SNX29: variants seen among roughly 807,000 people sequenced by gnomAD.
SNX29 encodes sorting nexin 29.
Under a neutral mutation model 102.1 loss-of-function variants are expected in SNX29, and 78 were observed. The ratio of observed to expected loss-of-function variants is 0.76; its 90% CI spans 0.64 to 0.92. SNX29 has a LOEUF of 0.92. Among genes scored for constraint, SNX29 ranks in the 40% least tolerant of loss-of-function variants. The pLI is 0.00. For synonymous variants in SNX29, 580 were observed against 414.5 expected (o/e 1.40, Z -4.85); for missense variants, 1,280 against 1,061.7 (o/e 1.21, Z -2.86).
At position 12,270,300 on chromosome 16, in the gene SNX29, C is replaced by T. The variant is rs111390013; in HGVS notation, c.1679-7633C>T. ...GAATTCAGTCACAATTGATTCTTTA[C>T]GAATTGATTGGTTTATTGGGGGGAT... is the stretch of plus-strand genomic sequence containing the variant. On this transcript the variant is annotated intron_variant, in intron 14 of 20. Coordinates refer to ENST00000566228, the MANE Select transcript of SNX29 (RefSeq NM_032167.5). 2.2e-3 allele frequency among the ~76,000 whole-genome samples: 328 copies of T among 152,254 alleles called. 2 individuals carry two copies. The highest frequency in any genetic ancestry group is 7.3e-3 in the African/African-American group (305 of 41,540).
chr16:12,118,313 C>CTTTCTTTTTTTTTTT lies in SNX29; in HGVS notation c.1403-8317_1403-8316insCTTTTTTTTTTTTTT, dbSNP rs1286174976. ...TGTAGATAGTAGATATACAGACCAC[C>CTTTCTTTTTTTTTTT]TTTTTTTTTTTTTTTTTTTTTTTAT... On this transcript the variant is annotated intron_variant, in intron 11 of 20. Coordinates refer to ENST00000566228, the MANE Select transcript of SNX29 (RefSeq NM_032167.5). Among the ~76,000 whole-genome samples, 74 of 86,120 alleles carry CTTTCTTTTTTTTTTT rather than the reference C, an allele frequency of 8.6e-4. 4 individuals are homozygous for CTTTCTTTTTTTTTTT. In the East Asian group the frequency reaches 0.014, roughly 17 times the overall value. 56.5% of individuals were successfully genotyped at this position (86,120 alleles called of 152,430 possible).
At chr16:12,316,766 C>T (rs1352722066) in intron 15 of SNX29, among the ~76,000 whole-genome samples, 1 of 152,104 alleles carries the variant, frequency 6.6e-6, no homozygotes, top group Non-Finnish European at 1.5e-5. Flanking sequence ...CATCCTCTTC[C>T]CTCCTGGCTC....
intron 13 of SNX29, among the ~76,000 whole-genome samples, chr16:12,177,173 C>G (rs2076279241): frequency 6.6e-6 from 1 of 152,074 alleles, no homozygotes; most frequent in Admixed American, 6.6e-5. Flanking sequence ...GTCTTGAACT[C>G]CAAGAGATCC....
chr16:12,524,773 C>G lies in SNX29; in HGVS notation c.2250C>G (p.Ile750Met). 2 of 1,613,798 alleles carry G rather than the reference C, an allele frequency of 1.2e-6. 1 individual carries two copies. Among genetic ancestry groups the G allele is most frequent in the South Asian group, 2.2e-5 (2 of 91,064 alleles). Residue 750 changes from isoleucine (I) to methionine (M), a missense_variant, in exon 20 of 21, where the codon ATC becomes ATG. Transcript: ENST00000566228. ...TGCGCAGCGTCATGAACAAAGTCAT[C>G]CAGATGGTCCCCGAGTTCGCTGCCA... is the stretch of plus-strand genomic sequence containing the variant. ...NYLRSVMNKVIQMVPEFAASP... is the reference protein window; with the variant it reads ...NYLRSVMNKVMQMVPEFAASP...
intron 9 of SNX29, 84 bp from the exon 10 acceptor site, chr16:12,068,973 C>A (rs952838095): frequency 6.2e-6 from 8 of 1,300,116 alleles, no homozygotes; most frequent in South Asian, 1.3e-5. Context: ...AGCAGATGAG[C>A]CAATGTCTGC....
chr16:12,540,522 ATT>A (rs988393676), intron 20 of SNX29, among the ~76,000 whole-genome samples: 15 of 152,176 alleles, frequency 9.9e-5, no homozygotes, highest in Non-Finnish European at 1.6e-4. Context: ...GTGGGGCAGA[ATT>A]TGTTTCGCGG....
At chr16:12,549,746 C>G (rs979749891) in intron 20 of SNX29, among the ~76,000 whole-genome samples, 1 of 152,240 alleles carries the variant, frequency 6.6e-6, no homozygotes, top group Non-Finnish European at 1.5e-5. Context: ...CCAGCATTTA[C>G]TTTGAGACCT....
intron 13 of SNX29, among the ~76,000 whole-genome samples, chr16:12,193,484 A>G (rs1359978351): frequency 6.6e-6 from 1 of 151,452 alleles, no homozygotes; most frequent in African/African-American, 2.4e-5. Context: ...AAAAAAAAAG[A>G]AAAAGTCTTT....
chr16:11,992,591 G>A (rs2055896352), intron 1 of SNX29, among the ~76,000 whole-genome samples: 1 of 151,950 alleles, frequency 6.6e-6, no homozygotes, highest in Non-Finnish European at 1.5e-5. Context: ...TGTTCAGTGA[G>A]CTTGCCCTGG....
intron 19 of SNX29, among the ~76,000 whole-genome samples, chr16:12,480,136 G>A: frequency 6.6e-6 from 1 of 152,172 alleles, no homozygotes; most frequent in East Asian, 1.9e-4. Context: ...CACTTGCTGT[G>A]TTAGTTTCCT....
chr16:12,177,749 C>G (rs1400667110), intron 13 of SNX29, among the ~76,000 whole-genome samples: 1 of 152,122 alleles, frequency 6.6e-6, no homozygotes, highest in African/African-American at 2.4e-5. Flanking sequence ...AATTCTGTAT[C>G]TGGTGCTTTG....
At chr16:12,518,332 C>T (rs1024318526) in intron 19 of SNX29, among the ~76,000 whole-genome samples, 2 of 152,176 alleles carry the variant, frequency 1.3e-5, no homozygotes, top group African/African-American at 4.8e-5. Flanking sequence ...AGTCTTACAC[C>T]TCTGGAGCCG....
intron 4 of SNX29, among the ~76,000 whole-genome samples, chr16:12,036,201 A>T (rs1414060076): frequency 1.3e-5 from 2 of 151,890 alleles, no homozygotes; most frequent in African/African-American, 4.8e-5. Flanking sequence ...CCGCCTCCCA[A>T]GTAGCTGGGA....
chr16:12,568,880 G>A lies in SNX29; in HGVS notation c.*251G>A. ...GACACACAGTCCTTCTGCTTCTGGG[G>A]TCTACCCTGGGCTGCAAGGGCTGTT... On this transcript the variant is annotated 3_prime_UTR_variant, in exon 21 of 21. Coordinates refer to ENST00000566228, the MANE Select transcript of SNX29 (RefSeq NM_032167.5). 2 of 569,686 alleles carry A rather than the reference G, an allele frequency of 3.5e-6. No individual in the cohort carries two copies. The highest frequency in any genetic ancestry group is 6.0e-6 in the Non-Finnish European group (2 of 333,166). The allele number at this position is 569,686 out of a possible 1,614,324, so 35.3% of individuals were successfully genotyped here.
chr16:12,531,055 G>A (rs1011650475), intron 20 of SNX29, among the ~76,000 whole-genome samples: 1 of 152,248 alleles, frequency 6.6e-6, no homozygotes, highest in Non-Finnish European at 1.5e-5. Flanking sequence ...TTGATGTGTA[G>A]AAGCCATTCT....
chr16:12,475,189 A>T (rs1033692375), intron 18 of SNX29, among the ~76,000 whole-genome samples: 1 of 152,232 alleles, frequency 6.6e-6, no homozygotes. Flanking sequence ...TTTGTGCATT[A>T]CATCAGGGGT....
rs140377512 is a variant in SNX29, at chr16:12,022,991, G to T, written c.123-4329G>T. Among the ~76,000 whole-genome samples the T allele has an allele frequency of 1.1e-4, 16 of 151,198 alleles. No homozygotes were observed. In the East Asian group the frequency reaches 2.5e-3, roughly 24 times the overall value. ...AGCTCACTGCAACCTATGCCCCCTG[G>T]GTCCAAGGAATTCTCCTGCTCCAGC... On this transcript the variant is annotated intron_variant, in intron 3 of 20. Transcript: ENST00000566228.
intron 19 of SNX29, among the ~76,000 whole-genome samples, chr16:12,493,249 A>G (rs1000175593): frequency 1.3e-5 from 2 of 152,170 alleles, no homozygotes; most frequent in Non-Finnish European, 2.9e-5. Flanking sequence ...GAGGTCCTTC[A>G]CATCCCTTGT....
In SNX29 at chr16:12,524,742, A is replaced by G; in HGVS notation, c.2219A>G (p.Asn740Ser). Residue 740 changes from asparagine to serine, a missense_variant, in exon 20 of 21, where the codon AAT becomes AGT. Transcript: ENST00000566228. ...GAGGAACGGAGAAAGCAGCTCCAGA[A>G]TTACCTGCGCAGCGTCATGAACAAA... ...FVEERRKQLQ[N>S]YLRSVMNKVI... 2 of 1,613,652 alleles carry G rather than the reference A, an allele frequency of 1.2e-6. No homozygotes were observed. Among genetic ancestry groups the G allele is most frequent in the South Asian group, 1.1e-5 (1 of 91,060 alleles).
Sources: gnomAD v4.1 joint callset for allele counts (sites outside exome capture counted in the v4.1 genomes callset) on GRCh38, gnomAD v4.1.1 for gene constraint, MANE v1.5 for transcripts, NCBI Gene and HGNC (gene_info 2026-07-23, HGNC 2026-07-21) for gene names.